HGFAC: variants seen among roughly 807,000 people sequenced by gnomAD.
The protein encoded by HGFAC is HGF activator, also known as hepatocyte growth factor activator serine protease.
HGFAC carries 76 observed loss-of-function variants against 70.6 expected under a neutral mutation model. The observed-to-expected ratio is 1.08, with a 90% CI of 0.89 to 1.30. The LOEUF (loss-of-function observed/expected upper bound fraction) is 1.30. Ranked by LOEUF, HGFAC falls within the 50% of genes most tolerant of loss-of-function variation. The pLI is 0.00. For missense variants in HGFAC, 1,044 were observed against 933.7 expected, an observed-to-expected ratio of 1.12 and a Z score of -1.54; for synonymous variants, 464 against 405.3, an observed-to-expected ratio of 1.14 and a Z score of -1.74.
At chr4:3,443,194 G>C (rs372142469) in intron 3 of HGFAC, 48 bp downstream of exon 3, 37 of 1,380,124 alleles carry the variant, frequency 2.7e-5, no homozygotes, top group Non-Finnish European at 3.4e-5. Flanking sequence ...CCTGCCCCAC[G>C]CTGCCTGCTT....
chr4:3,447,378 C>T (rs536761818), intron 10 of HGFAC, 114 bp from the exon 11 acceptor site: 49 of 1,223,192 alleles, frequency 4.0e-5, no homozygotes, highest in Admixed American at 1.7e-4. Context: ...GACCCCTCCC[C>T]GGGACCAGGG....
intron 10 of HGFAC, 122 bp from the exon 11 acceptor site, chr4:3,447,370 C>A (rs1725544464): frequency 9.0e-7 from 1 of 1,107,420 alleles, no homozygotes; most frequent in East Asian, 2.5e-5. Context: ...CCTGCTCAGA[C>A]CCCTCCCCGG....
At chr4:3,442,536 G>A (rs878923078) in intron 1 of HGFAC, among the ~76,000 whole-genome samples, 196 bp from the exon 2 acceptor site, 2 of 152,276 alleles carry the variant, frequency 1.3e-5, no homozygotes, top group South Asian at 2.1e-4. Context: ...CCCTGAGCAG[G>A]TGTTAACTAG....
Position 3,444,007 on chromosome 4 carries a change from C to T in HGFAC, c.476-32C>T, listed in dbSNP as rs186169306. 2,254 of 1,544,692 alleles carry T rather than the reference C, an allele frequency of 1.5e-3. 3 individuals are homozygous for T. Among genetic ancestry groups the T allele is most frequent in the Non-Finnish European group, 1.6e-3 (1,815 of 1,150,104 alleles). On this transcript the variant is annotated intron_variant, in intron 4 of 13. Transcript: ENST00000382774. ...CAGAGGGACCCTGAGCCTCCCAGTC[C>T]GCCCCTCACACCCCCTCCCGCATGT... is the stretch of plus-strand genomic sequence containing the variant.
rs1444063132 is a variant in HGFAC at position 3,441,968 on chromosome 4, G to A, written c.-34G>A. 31 of 1,270,036 alleles carry A rather than the reference G, an allele frequency of 2.4e-5. No homozygotes were observed. The highest frequency in any genetic ancestry group is 5.2e-4 in the Middle Eastern group (2 of 3,844). The allele number at this position is 1,270,036 out of a possible 1,614,324, so 78.7% of individuals were successfully genotyped here. On this transcript the variant is annotated 5_prime_UTR_variant, in exon 1 of 14. Transcript: ENST00000382774. This position sits in a 1 kb window ranked among gnomAD's most constrained non-coding sequence, Gnocchi z 6.0. ...CACCTGCCTTGGCCGCTCTGCTCCC[G>A]CCTCCCACTGCCCCTCAGGCCAGCT...
At chr4:3,447,074 G>A (rs1245216563) in intron 10 of HGFAC, among the ~76,000 whole-genome samples, 2 of 152,202 alleles carry the variant, frequency 1.3e-5, no homozygotes, top group African/African-American at 2.4e-5. Context: ...AGGCTCAGGG[G>A]CCCAGGCTCT....
intron 9 of HGFAC, 177 bp from the exon 10 acceptor site, chr4:3,445,865 C>G: frequency 6.5e-7 from 1 of 1,542,610 alleles, no homozygotes; most frequent in Non-Finnish European, 8.7e-7. Flanking sequence ...GCATCAAACC[C>G]CATTCTACAG....
In HGFAC at chr4:3,442,049, G is replaced by A; in HGVS notation, c.48G>A (p.Leu16=). The change falls in exon 1 of 14, where the codon CTG becomes CTA. Residue 16 remains leucine (L), a synonymous_variant. Coordinates refer to ENST00000382774, the MANE Select transcript of HGFAC (RefSeq NM_001528.4). Reference sequence around the variant, plus strand: ...CCAGCCCCTGGCCCCCACCGGGGCTGGGCCCCTTCCTCCTCCTCCTCCTGC... The same window carrying A: ...CCAGCCCCTGGCCCCCACCGGGGCTAGGCCCCTTCCTCCTCCTCCTCCTGC... The part of the protein sequence containing the change: ...WVPSPWPPPG[L]GPFLLLLLLL... 1 of 1,542,530 alleles carries A rather than the reference G, an allele frequency of 6.5e-7. No individual in the cohort carries two copies. Among genetic ancestry groups the A allele is most frequent in the Non-Finnish European group, 8.6e-7 (1 of 1,159,456 alleles).
rs1342800905 is a variant in HGFAC at position 3,448,001 on chromosome 4, G to A, written c.1602G>A (p.Lys534=). The change falls in exon 12 of 14, where the codon AAG becomes AAA. Residue 534 remains lysine (K), a synonymous_variant. Transcript: ENST00000382774. ...GCAGCACCTTCCCCGCAGGACACAA[G>A]TGCCAGATTGCGGGCTGGGGCCACT... ...EPGSTFPAGH[K]CQIAGWGHLD... The A allele has an allele frequency of 1.9e-6, 3 of 1,571,704 alleles. No homozygotes were observed. The highest frequency in any genetic ancestry group is 1.4e-5 in the African/African-American group (1 of 73,934).
chr4:3,444,030 T>C lies in HGFAC; in HGVS notation c.476-9T>C. The C allele has an allele frequency of 6.3e-7, 1 of 1,577,638 alleles. No homozygotes were observed. The highest frequency in any genetic ancestry group is 1.4e-5 in the African/African-American group (1 of 73,290). ...TCCGCCCCTCACACCCCCTCCCGCA[T>C]GTCCCCAGCTGCCCTGGATCCCTGT... On this transcript the variant is annotated splice_polypyrimidine_tract_variant and intron_variant, in intron 4 of 13. Coordinates refer to ENST00000382774, the MANE Select transcript of HGFAC (RefSeq NM_001528.4).
Position 3,447,934 on chromosome 4 carries a change from C to A in HGFAC, c.1535C>A (p.Thr512Lys), listed in dbSNP as rs867314607. The A allele has an allele frequency of 6.2e-7, 1 of 1,608,582 alleles. No individual in the cohort carries two copies. Among genetic ancestry groups the A allele is most frequent in the Middle Eastern group, 1.7e-4 (1 of 6,030 alleles). ...RLKKKGDRCA[T>K]RSQFVQPICL... The stretch of plus-strand genomic sequence containing the variant: ...AAGAAGAAAGGGGACCGCTGTGCCA[C>A]ACGCTCGCAGTTCGTGCAGCCCATC... Residue 512 changes from threonine (T) to lysine (K), a missense_variant, in exon 12 of 14, where the codon ACA (threonine) becomes AAA (lysine). Physicochemically the swap from Thr to Lys is moderately conservative, Grantham distance 78. Coordinates refer to ENST00000382774, the MANE Select transcript of HGFAC (RefSeq NM_001528.4).
Position 3,442,882 on chromosome 4 carries a change from G to C in HGFAC, c.268G>C (p.Val90Leu). 1.3e-6 allele frequency: 2 copies of C among 1,567,436 alleles called. No individual in the cohort carries two copies. The highest frequency in any genetic ancestry group is 2.8e-5 in the African/African-American group (2 of 72,480). Residue 90 changes from valine to leucine, a missense_variant, in exon 2 of 14, where the codon GTT becomes CTT. Coordinates refer to ENST00000382774, the MANE Select transcript of HGFAC (RefSeq NM_001528.4). ...SGGLPPPPRA[V>L]PSSSSPQAQA... is the part of the protein sequence containing the mutation. ...GGGGCTCCCGCCCCCGCCCAGGGCA[G>C]TTCCCTCGAGCAGTAGCCCCCAGGC...
chr4:3,441,845 A>G (rs879719780), upstream of HGFAC: 2 of 517,214 alleles, frequency 3.9e-6, no homozygotes, highest in Non-Finnish European at 6.7e-6. This position sits in a 1 kb window ranked among gnomAD's most constrained non-coding sequence, Gnocchi z 6.0. Context: ...GGTGGGCAGC[A>G]GGTGTGGGGG....
Position 3,446,640 on chromosome 4 carries a change from C to T in HGFAC, c.1355+346C>T, listed in dbSNP as rs537634295. 2.2e-4 allele frequency among the ~76,000 whole-genome samples: 33 copies of T among 152,224 alleles called. 2 individuals carry two copies. The highest frequency in any genetic ancestry group is 1.5e-3 in the South Asian group (7 of 4,810). On this transcript the variant is annotated intron_variant, in intron 10 of 13. Coordinates refer to ENST00000382774, the MANE Select transcript of HGFAC (RefSeq NM_001528.4). Reference sequence around the variant, plus strand: ...TGGCTCTCAGTAGGGAGCCAGGGAGCGCAGTGACAATGCGTCAGAGCCCTA... The same window carrying T: ...TGGCTCTCAGTAGGGAGCCAGGGAGTGCAGTGACAATGCGTCAGAGCCCTA...
At position 3,449,355 on chromosome 4, in the gene HGFAC, C is replaced by T. The variant is rs745330905; in HGVS notation, c.1904C>T (p.Ala635Val). 2.5e-6 allele frequency: 4 copies of T among 1,610,274 alleles called. No homozygotes were observed. Among genetic ancestry groups the T allele is most frequent in the South Asian group, 2.2e-5 (2 of 90,824 alleles). The change falls in exon 14 of 14, where the codon GCC becomes GTC. Residue 635 changes from alanine (A) to valine (V), a missense_variant. Ala to Val is a moderately conservative substitution (Grantham distance 64). Transcript: ENST00000382774. ...LHKPGVYTRV[A>V]NYVDWINDRI... ...AAGCCGGGGGTCTACACCCGCGTGG[C>T]CAACTATGTGGACTGGATCAACGAC...
intron 3 of HGFAC, 87 bp downstream of exon 3, chr4:3,443,233 TCACC>T: frequency 8.5e-7 from 1 of 1,182,426 alleles, no homozygotes. Context: ...CAGTAGGCGC[TCACC>T]ACGCAGCAGG....
Position 3,449,231 on chromosome 4 carries a change from G to T in HGFAC, c.1786-6G>T, listed in dbSNP as rs1204656376. 6.2e-7 allele frequency: 1 copy of T among 1,610,798 alleles called. No individual in the cohort carries two copies. The highest frequency in any genetic ancestry group is 8.5e-7 in the Non-Finnish European group (1 of 1,178,830). On this transcript the variant is annotated splice_region_variant and splice_polypyrimidine_tract_variant and intron_variant, in intron 13 of 13. Transcript: ENST00000382774. The stretch of plus-strand genomic sequence containing the variant: ...GAGGGTGGCTCTGACCAACGTCTCT[G>T]CCCAGGGGGACTCAGGGGGGCCCCT...
Position 3,442,775 on chromosome 4 carries a change from C to G in HGFAC, c.161C>G (p.Ala54Gly), listed in dbSNP as rs770659969. 5 of 1,532,474 alleles carry G rather than the reference C, an allele frequency of 3.3e-6. No individual in the cohort carries two copies. The highest frequency in any genetic ancestry group is 3.5e-6 in the Non-Finnish European group (4 of 1,142,040). 94.9% of individuals were successfully genotyped at this position (1,532,474 alleles called of 1,614,324 possible). The change falls in exon 2 of 14, where the codon GCG becomes GGG. Residue 54 changes from alanine (A) to glycine (G), a missense_variant. Coordinates refer to ENST00000382774, the MANE Select transcript of HGFAC (RefSeq NM_001528.4). Reference sequence around the variant, plus strand: ...GAACCTAATGCCACAGCGACCCCTGCGATCCCCACTATCCTGGTGACCTCT... The same window carrying G: ...GAACCTAATGCCACAGCGACCCCTGGGATCCCCACTATCCTGGTGACCTCT... ...SPEPNATATP[A>G]IPTILVTSVT... is the part of the protein sequence containing the mutation.
upstream of HGFAC, among the ~76,000 whole-genome samples, chr4:3,441,468 AC>A (rs1175399289): frequency 6.6e-6 from 1 of 151,914 alleles, no homozygotes; most frequent in African/African-American, 2.4e-5. This position sits in a 1 kb window ranked among gnomAD's most constrained non-coding sequence, Gnocchi z 6.0. Context: ...CCCTGGGGCC[AC>A]CGAGAGGATG....
Sources: allele counts gnomAD v4.1 joint callset (sites outside exome capture counted in the v4.1 genomes callset), GRCh38; gene constraint gnomAD v4.1.1; non-coding constraint Gnocchi (gnomAD v3.1); transcripts MANE v1.5; gene names NCBI Gene and HGNC (gene_info 2026-07-23, HGNC 2026-07-21).